TSPAN14: variants seen among roughly 807,000 people sequenced by gnomAD.
TSPAN14 encodes tetraspanin 14, also known as tetraspanin-14.
In TSPAN14, 16 loss-of-function variants were observed where a neutral mutation model predicts 36.6. That is an observed-to-expected ratio of 0.44 (90% CI 0.30 to 0.66). The LOEUF (loss-of-function observed/expected upper bound fraction) is 0.66. Among genes scored for constraint, TSPAN14 ranks in the 30% least tolerant of loss-of-function variants. The pLI is 0.12. For missense variants in TSPAN14, 231 were observed against 355.1 expected, an observed-to-expected ratio of 0.65 and a Z score of 2.81; for synonymous variants, 139 against 143.8, an observed-to-expected ratio of 0.97 and a Z score of 0.24.
At chr10:80,511,711 C>CCTCTCTCT (rs56307745) in intron 5 of TSPAN14, among the ~76,000 whole-genome samples, 8 of 25,800 alleles carry the variant, frequency 3.1e-4, no homozygotes, top group Non-Finnish European at 5.1e-4. Flanking sequence ...AAGGGCAGGT[C>CCTCTCTCT]CTCTCTCTCT....
At chr10:80,510,120 T>TG (rs1840536732) in intron 5 of TSPAN14, among the ~76,000 whole-genome samples, 1 of 152,226 alleles carries the variant, frequency 6.6e-6, no homozygotes, top group Non-Finnish European at 1.5e-5. Context: ...CACAGCCCCC[T>TG]GGGGAGGAAC....
At chr10:80,517,638 G>A (rs1841006142) in intron 8 of TSPAN14, among the ~76,000 whole-genome samples, 1 of 152,254 alleles carries the variant, frequency 6.6e-6, no homozygotes, top group Admixed American at 6.5e-5. Flanking sequence ...GTTGGAGGCA[G>A]GACAGAGTGT....
intron 2 of TSPAN14, among the ~76,000 whole-genome samples, chr10:80,495,367 GTGTGTGTGTGTA>G (rs200992057): frequency 0.049 from 1,705 of 34,512 alleles, 23 homozygotes; most frequent in East Asian, 0.36. Context: ...GTGTGTGTGT[GTGTGTGTGTGTA>G]TGTACATGTG....
intron 1 of TSPAN14, among the ~76,000 whole-genome samples, chr10:80,461,004 C>G (rs188477118): frequency 6.6e-6 from 1 of 152,190 alleles, no homozygotes; most frequent in African/African-American, 2.4e-5. Context: ...CTGCTGCCTT[C>G]TAGCCGGAGC....
chr10:80,457,670 C>T (rs1245338125), intron 1 of TSPAN14, among the ~76,000 whole-genome samples: 2 of 152,176 alleles, frequency 1.3e-5, no homozygotes, highest in Non-Finnish European at 2.9e-5. Flanking sequence ...TAGCAGGTAC[C>T]CCGGAACCCC....
At chr10:80,473,371 A>G (rs1846664431) in intron 1 of TSPAN14, among the ~76,000 whole-genome samples, 1 of 152,182 alleles carries the variant, frequency 6.6e-6, no homozygotes, top group Non-Finnish European at 1.5e-5. Context: ...TGTTTCAGTC[A>G]CTAAGATCAG....
chr10:80,521,387 T>A (rs1463733994), exon 9 of TSPAN14: 1 of 155,984 alleles, frequency 6.4e-6, no homozygotes, highest in African/African-American at 2.4e-5. Context: ...TCAGCTGTAC[T>A]GGTAGGGGGT....
intron 1 of TSPAN14, among the ~76,000 whole-genome samples, chr10:80,461,148 TG>T (rs1280723868): frequency 6.6e-6 from 1 of 152,104 alleles, no homozygotes; most frequent in East Asian, 1.9e-4. Flanking sequence ...CCTGTCTACT[TG>T]ATCAGACTCT....
At chr10:80,473,011 C>T (rs1392777142) in intron 1 of TSPAN14, among the ~76,000 whole-genome samples, 3 of 152,176 alleles carry the variant, frequency 2.0e-5, no homozygotes, top group Non-Finnish European at 4.4e-5. Context: ...TAGTGTGCAC[C>T]TTGTGAAGCC....
At chr10:80,501,085 A>G (rs372520007) in intron 2 of TSPAN14, among the ~76,000 whole-genome samples, 1 of 151,378 alleles carries the variant, frequency 6.6e-6, no homozygotes. Flanking sequence ...AAACCTATTA[A>G]TATAGATGGA....
intron 2 of TSPAN14, among the ~76,000 whole-genome samples, chr10:80,493,502 A>G (rs1297994944): frequency 1.3e-5 from 2 of 152,344 alleles, no homozygotes; most frequent in East Asian, 3.9e-4. Context: ...AAAGGTAGAA[A>G]CAACCAAAGT....
intron 1 of TSPAN14, among the ~76,000 whole-genome samples, chr10:80,465,092 A>G (rs1846168444): frequency 6.6e-6 from 1 of 152,140 alleles, no homozygotes; most frequent in Non-Finnish European, 1.5e-5. Flanking sequence ...CCTCTGGGTA[A>G]GAGTTCTGAG....
At chr10:80,489,497 C>T (rs1847807751) in intron 2 of TSPAN14, among the ~76,000 whole-genome samples, 183 bp downstream of exon 2, 1 of 152,210 alleles carries the variant, frequency 6.6e-6, no homozygotes, top group South Asian at 2.1e-4. Flanking sequence ...AGGCCAAAGG[C>T]CGAGGTGATT....
intron 1 of TSPAN14, among the ~76,000 whole-genome samples, chr10:80,488,042 A>C (rs1589267808): frequency 6.6e-6 from 1 of 152,122 alleles, no homozygotes; most frequent in African/African-American, 2.4e-5. Flanking sequence ...CTGGTTTCTC[A>C]CTGGCGGATG....
At chr10:80,475,650 C>T (rs1254959279) in intron 1 of TSPAN14, among the ~76,000 whole-genome samples, 1 of 152,212 alleles carries the variant, frequency 6.6e-6, no homozygotes, top group Non-Finnish European at 1.5e-5. Flanking sequence ...TGCAGTGGCG[C>T]GATCTTGGCT....
chr10:80,484,689 G>C (rs2132002814), intron 1 of TSPAN14, among the ~76,000 whole-genome samples: 1 of 152,344 alleles, frequency 6.6e-6, no homozygotes, highest in African/African-American at 2.4e-5. Context: ...TTCAGCTGCA[G>C]ATAACATTTG....
At position 80,479,640 on chromosome 10, in the gene TSPAN14, C is replaced by G. The variant is rs7089509; in HGVS notation, c.-17-9577C>G. On this transcript the variant is annotated intron_variant, in intron 1 of 8. Coordinates refer to ENST00000429989, the Ensembl canonical transcript of TSPAN14. ...TTATTTCTGAGGCCTCTGTTCTGTT[C>G]CATTGGTCTATATCTCTGTTTTGGT... Among the ~76,000 whole-genome samples, 379 of 152,244 alleles carry G rather than the reference C, an allele frequency of 2.5e-3. 1 individual carries two copies. The highest frequency in any genetic ancestry group is 8.8e-3 in the African/African-American group (364 of 41,526).
At chr10:80,511,909 C>T (rs956424338) in intron 5 of TSPAN14, among the ~76,000 whole-genome samples, 1 of 151,976 alleles carries the variant, frequency 6.6e-6, no homozygotes, top group African/African-American at 2.4e-5. Flanking sequence ...CCTCAACCTC[C>T]CGAGTCACTG....
intron 1 of TSPAN14, among the ~76,000 whole-genome samples, chr10:80,487,810 G>T (rs1458610528): frequency 1.3e-5 from 2 of 152,148 alleles, no homozygotes; most frequent in African/African-American, 4.8e-5. Context: ...TGGTTTCTGA[G>T]GTCAGACAGA....
Sources: allele counts gnomAD v4.1 joint callset (sites outside exome capture counted in the v4.1 genomes callset), GRCh38; gene constraint gnomAD v4.1.1; transcripts MANE v1.5; gene names NCBI Gene and HGNC (gene_info 2026-07-23, HGNC 2026-07-21).